The following MRPL43 variants were observed in gnomAD, a reference collection of about 807,000 sequenced individuals.
MRPL43 encodes mitochondrial ribosomal protein L43.
In MRPL43, 9 loss-of-function variants were observed where a neutral mutation model predicts 12.7. That is an observed-to-expected ratio of 0.71 (90% CI 0.43 to 1.24). The LOEUF (loss-of-function observed/expected upper bound fraction) is 1.24, where lower values mean the gene tolerates loss of function less well. Among genes scored for constraint, MRPL43 ranks in the 50% most tolerant of loss-of-function variants. The pLI is 0.00. For synonymous variants in MRPL43, 116 were observed against 96.4 expected (o/e 1.20, Z -1.19); for missense variants, 211 against 229.2 (o/e 0.92, Z 0.51).
chr10:100,980,067 G>A (rs1051303887), downstream of MRPL43: 12 of 1,612,968 alleles, frequency 7.4e-6, no homozygotes, highest in South Asian at 9.9e-5. Flanking sequence ...GCCTTGTGGA[G>A]AGGGCAGGCA....
At position 100,987,305 on chromosome 10, in the gene MRPL43, T is replaced by C; in HGVS notation, c.131+8A>G. 6 of 1,612,104 alleles carry C rather than the reference T, an allele frequency of 3.7e-6. No homozygotes were observed. Among genetic ancestry groups the C allele is most frequent in the African/African-American group, 1.3e-5 (1 of 75,042 alleles). ...CCGACCCGCGCCTGCGCACTTCCCT[T>C]GGCTCACCTGGCGCCGCGAGACGAG... On this transcript the variant is annotated splice_region_variant and intron_variant, in intron 1 of 2. Transcript: ENST00000318364.
At chr10:100,982,140 C>G (rs1255919053), downstream of MRPL43, among the ~76,000 whole-genome samples, 3 of 151,470 alleles carry the variant, frequency 2.0e-5, no homozygotes, top group African/African-American at 7.3e-5. Context: ...CTTCTGGTCA[C>G]TATACTATGC....
chr10:100,984,898 C>A, downstream of MRPL43: 6 of 1,462,654 alleles, frequency 4.1e-6, no homozygotes, highest in Middle Eastern at 5.3e-4. Flanking sequence ...GTATGAGAGA[C>A]AGAGCTCCAG....
downstream of MRPL43, chr10:100,981,442 G>A: frequency 1.9e-6 from 3 of 1,614,114 alleles, no homozygotes; most frequent in South Asian, 1.1e-5. Flanking sequence ...AAGATGTGAA[G>A]TGTCTTGTCA....
At chr10:100,979,558 T>C (rs1300018343), downstream of MRPL43, among the ~76,000 whole-genome samples, 3 of 152,066 alleles carry the variant, frequency 2.0e-5, no homozygotes. Flanking sequence ...AATTTTTGTA[T>C]TTTTAATAGA....
At chr10:100,983,777 A>G (rs1472206434), downstream of MRPL43, 1 of 1,609,082 alleles carries the variant, frequency 6.2e-7, no homozygotes, top group Admixed American at 1.7e-5. Context: ...GCCGGGCAGG[A>G]GGATCTGCGG....
chr10:100,982,216 G>A (rs1851121780), downstream of MRPL43, among the ~76,000 whole-genome samples: 1 of 152,018 alleles, frequency 6.6e-6, no homozygotes, highest in Non-Finnish European at 1.5e-5. Context: ...CAAGCAGAGG[G>A]AGCAGCAGGC....
downstream of MRPL43, chr10:100,980,819 C>T (rs1851033468): frequency 6.4e-7 from 1 of 1,566,230 alleles, no homozygotes; most frequent in African/African-American, 1.4e-5. Flanking sequence ...ATCTGGCTCC[C>T]AGCACAGCCT....
Position 100,986,782 on chromosome 10 carries a change from G to C in MRPL43, c.432C>G (p.Arg144=). 6.2e-7 allele frequency: 1 copy of C among 1,613,844 alleles called. No homozygotes were observed. Among genetic ancestry groups the C allele is most frequent in the Non-Finnish European group, 8.5e-7 (1 of 1,180,030 alleles). ...TNKPTTFRGL[R]PREVQDPAPA... ...GGGCAGGATCCTGAACCTCTCGGGGGCGTAGCCCGCGGAACGTGGTCGGCT... is the reference window on the plus strand; with the variant it reads ...GGGCAGGATCCTGAACCTCTCGGGGCCGTAGCCCGCGGAACGTGGTCGGCT... The change falls in exon 3 of 3, where the codon CGC becomes CGG. Residue 144 remains arginine (R), a synonymous_variant. Transcript: ENST00000318364.
At chr10:100,981,099 T>G, downstream of MRPL43, 1 of 1,608,520 alleles carries the variant, frequency 6.2e-7, no homozygotes, top group Non-Finnish European at 8.5e-7. Context: ...GTAACAGACC[T>G]ATCTACCCTT....
chr10:100,978,493 CAT>C (rs1372855146), downstream of MRPL43: 2 of 1,603,422 alleles, frequency 1.2e-6, no homozygotes, highest in Non-Finnish European at 1.7e-6. Context: ...TTGAATATGA[CAT>C]GTCTCTCATG....
At chr10:100,978,497 T>A (rs373592720), downstream of MRPL43, 78 of 1,606,250 alleles carry the variant, frequency 4.9e-5, no homozygotes, top group Non-Finnish European at 6.6e-5. Context: ...ATATGACATG[T>A]CTCTCATGCC....
At chr10:100,978,533 G>A, downstream of MRPL43, 1 of 1,613,900 alleles carries the variant, frequency 6.2e-7, no homozygotes, top group Non-Finnish European at 8.5e-7. Flanking sequence ...CCAGATGGAG[G>A]CCTCTACACA....
downstream of MRPL43, chr10:100,984,651 C>T: frequency 6.5e-7 from 1 of 1,536,186 alleles, no homozygotes; most frequent in Non-Finnish European, 8.7e-7. Context: ...GCTGCAGTGC[C>T]CCCACCCTCA....
chr10:100,987,029 AAGG>A (rs1851534339), intron 2 of MRPL43, 54 bp from the exon 3 acceptor site: 4 of 1,607,174 alleles, frequency 2.5e-6, no homozygotes, highest in Admixed American at 1.7e-5. Flanking sequence ...ACCAAGCGAG[AAGG>A]AGGATAGCGG....
At chr10:100,981,924 G>A (rs1851099139), downstream of MRPL43, among the ~76,000 whole-genome samples, 1 of 151,882 alleles carries the variant, frequency 6.6e-6, no homozygotes, top group South Asian at 2.1e-4. Flanking sequence ...CGGGTGTGGT[G>A]GCACATGTCT....
downstream of MRPL43, chr10:100,980,787 G>C: frequency 6.4e-7 from 1 of 1,561,270 alleles, no homozygotes; most frequent in Non-Finnish European, 8.6e-7. Flanking sequence ...TATGAGTGGG[G>C]ACGCTGCCGA....
At chr10:100,984,568 G>A, downstream of MRPL43, 1 of 1,536,164 alleles carries the variant, frequency 6.5e-7, no homozygotes. Context: ...CCTGAAACCA[G>A]ACAAGACCTC....
At chr10:100,978,387 T>C (rs775849846), downstream of MRPL43, 3 of 1,612,624 alleles carry the variant, frequency 1.9e-6, no homozygotes, top group Non-Finnish European at 2.5e-6. Context: ...GCCTCATCAT[T>C]GGTGAGCAGG....
Sources: gnomAD v4.1 joint callset for allele counts (sites outside exome capture counted in the v4.1 genomes callset) on GRCh38, gnomAD v4.1.1 for gene constraint, MANE v1.5 for transcripts, NCBI Gene and HGNC (gene_info 2026-07-23, HGNC 2026-07-21) for gene names.